SGCD: variants seen among roughly 807,000 people sequenced by gnomAD.
SGCD encodes delta-sarcoglycan.
In SGCD, 18 loss-of-function variants were observed where a neutral mutation model predicts 36.6. That is an observed-to-expected ratio of 0.49 (90% CI 0.34 to 0.73). The LOEUF is 0.73. Among genes scored for constraint, SGCD ranks in the 30% least tolerant of loss-of-function variants. The pLI is 0.01. For synonymous variants in SGCD, 133 were observed against 130.6 expected (o/e 1.02, Z -0.12); for missense variants, 387 against 346.7 (o/e 1.12, Z -0.92).
At chr5:155,964,631 G>A (rs1457040267) in intron 1 of SGCD, among the ~76,000 whole-genome samples, 1 of 152,060 alleles carries the variant, frequency 6.6e-6, no homozygotes, top group East Asian at 1.9e-4. Flanking sequence ...CTGGCTGTAA[G>A]TTTTTATTCT....
chr5:155,843,521 T>C, the SGCD span, among the ~76,000 whole-genome samples: 361 of 152,338 alleles, frequency 2.4e-3, no homozygotes, highest in Non-Finnish European at 4.3e-3. Context: ...GTCAGCAGGC[T>C]GAATTGTCCT....
the SGCD span, among the ~76,000 whole-genome samples, chr5:155,781,206 A>T: frequency 1.3e-5 from 2 of 152,162 alleles, no homozygotes; most frequent in African/African-American, 4.8e-5. Context: ...AATTATCAAA[A>T]AGGAAATATC....
At chr5:156,301,380 A>C (rs888078703) in intron 3 of SGCD, among the ~76,000 whole-genome samples, 10 of 152,116 alleles carry the variant, frequency 6.6e-5, no homozygotes, top group Non-Finnish European at 1.0e-4. Context: ...AGAGAAAACT[A>C]GTAAAAACTT....
At chr5:155,935,608 G>A (rs1170128027) in intron 1 of SGCD, among the ~76,000 whole-genome samples, 1 of 152,230 alleles carries the variant, frequency 6.6e-6, no homozygotes, top group Non-Finnish European at 1.5e-5. Context: ...GGAGTAAGGT[G>A]AGGAGCATGC....
intron 1 of SGCD, among the ~76,000 whole-genome samples, chr5:155,946,720 TA>T (rs1757444298): frequency 1.3e-5 from 2 of 152,176 alleles, no homozygotes; most frequent in Admixed American, 6.5e-5. Context: ...CCTCAGCCAC[TA>T]AACTAGTTAT....
At chr5:155,906,045 G>A (rs150678459) in intron 1 of SGCD, among the ~76,000 whole-genome samples, 21 of 152,208 alleles carry the variant, frequency 1.4e-4, no homozygotes, top group Non-Finnish European at 2.6e-4. Context: ...CCAACAGCAT[G>A]GGCTGTGAGT....
At chr5:156,675,071 T>C (rs947442168) in intron 7 of SGCD, among the ~76,000 whole-genome samples, 2 of 152,178 alleles carry the variant, frequency 1.3e-5, no homozygotes, top group African/African-American at 2.4e-5. Flanking sequence ...CAGCACTTGG[T>C]AAAGATGAGC....
At chr5:155,875,644 C>CTTT in intron 1 of SGCD, among the ~76,000 whole-genome samples, 1 of 140,354 alleles carries the variant, frequency 7.1e-6, no homozygotes. Flanking sequence ...GATGGCTCCA[C>CTTT]TTTTTTTTTT....
intron 1 of SGCD, among the ~76,000 whole-genome samples, chr5:155,995,893 GT>G (rs1374428806): frequency 1.4e-5 from 2 of 143,334 alleles, no homozygotes; most frequent in African/African-American, 5.2e-5. Context: ...GGAAACTTCT[GT>G]TCTTAAAGGA....
the SGCD span, among the ~76,000 whole-genome samples, chr5:155,851,514 G>T: frequency 6.6e-6 from 1 of 152,266 alleles, no homozygotes; most frequent in African/African-American, 2.4e-5. Flanking sequence ...ACCAGTGGAG[G>T]AATATGGTGT....
At chr5:156,044,798 A>G (rs1187289950) in intron 1 of SGCD, among the ~76,000 whole-genome samples, 1 of 152,158 alleles carries the variant, frequency 6.6e-6, no homozygotes, top group Non-Finnish European at 1.5e-5. Context: ...TAACATTTCT[A>G]CCACTGAAAG....
chr5:156,637,643 T>C (rs1229964722), intron 6 of SGCD, among the ~76,000 whole-genome samples: 1 of 152,130 alleles, frequency 6.6e-6, no homozygotes, highest in East Asian at 1.9e-4. Context: ...GGAAAGTATT[T>C]AGCTGGACAT....
the SGCD span, among the ~76,000 whole-genome samples, chr5:155,746,299 C>A: frequency 1.3e-5 from 2 of 151,928 alleles, no homozygotes; most frequent in Non-Finnish European, 2.9e-5. Context: ...AGCCAAGAGA[C>A]CAATTGTAAA....
At chr5:156,085,173 G>C (rs1019352316) in intron 1 of SGCD, among the ~76,000 whole-genome samples, 1 of 147,826 alleles carries the variant, frequency 6.8e-6, no homozygotes, top group African/African-American at 2.4e-5. Context: ...TTTTGTTGTT[G>C]TTGTTGTTGT....
intron 1 of SGCD, among the ~76,000 whole-genome samples, chr5:155,938,269 A>T (rs1361197563): frequency 6.6e-6 from 1 of 152,208 alleles, no homozygotes; most frequent in African/African-American, 2.4e-5. Context: ...GTCAGAGAGT[A>T]CTTCACTGCA....
chr5:156,675,952 A>G (rs1306941407), intron 7 of SGCD, among the ~76,000 whole-genome samples: 1 of 152,152 alleles, frequency 6.6e-6, no homozygotes, highest in Non-Finnish European at 1.5e-5. Context: ...TCTCAGAAAC[A>G]AGACGCCTTG....
the SGCD span, among the ~76,000 whole-genome samples, chr5:155,809,721 A>G: frequency 1.3e-5 from 2 of 152,238 alleles, no homozygotes; most frequent in South Asian, 2.1e-4. Flanking sequence ...CATCATGTGG[A>G]GAATAAACAA....
At chr5:155,756,866 A>G in the SGCD span, among the ~76,000 whole-genome samples, 10 of 152,184 alleles carry the variant, frequency 6.6e-5, no homozygotes, top group Non-Finnish European at 1.5e-4. Flanking sequence ...TGTATGGGTG[A>G]TGTCAACTAC....
At chr5:156,639,654 A>G (rs959599647) in intron 6 of SGCD, among the ~76,000 whole-genome samples, 4 of 152,102 alleles carry the variant, frequency 2.6e-5, no homozygotes, top group African/African-American at 9.7e-5. Context: ...TCAGCTTTTG[A>G]TAGAATGTCT....
Sources: allele counts gnomAD v4.1 joint callset (sites outside exome capture counted in the v4.1 genomes callset), GRCh38; gene constraint gnomAD v4.1.1; transcripts MANE v1.5; gene names NCBI Gene and HGNC (gene_info 2026-07-23, HGNC 2026-07-21).